RBFOX3: variants seen among roughly 807,000 people sequenced by gnomAD.
RBFOX3 encodes RNA binding fox-1 homolog 3, also known as RNA binding protein fox-1 homolog 3.
A neutral mutation model predicts 48.7 loss-of-function variants in RBFOX3; 17 were observed. That is an observed-to-expected ratio of 0.35 (90% confidence interval 0.24 to 0.52). The LOEUF (loss-of-function observed/expected upper bound fraction) is 0.52, where lower values mean the gene tolerates loss of function less well. Ranked by LOEUF, RBFOX3 falls within the 20% of genes least tolerant of loss-of-function variation. RBFOX3 has a pLI of 0.94. For missense variants in RBFOX3, 382 were observed against 497.5 expected (o/e 0.77, Z 2.21); for synonymous variants, 212 against 209.5 (o/e 1.01, Z -0.10).
Position 79,421,164 on chromosome 17 carries a change from C to A in RBFOX3, c.-175+61290G>T, listed in dbSNP as rs2066301236. Among the ~76,000 whole-genome samples the A allele has an allele frequency of 6.6e-6, 1 of 152,178 alleles. No homozygotes were observed. Among genetic ancestry groups the A allele is most frequent in the Non-Finnish European group, 1.5e-5 (1 of 68,030 alleles). On this transcript the variant is annotated intron_variant, in intron 2 of 14. Transcript: ENST00000693108. This position sits in a 1 kb window ranked among gnomAD's most constrained non-coding sequence, Gnocchi z 4.5. ...TGGCTTCACAGCAGAGGGCAGGATG[C>A]TCCGTGCCCTAACCTACAGGCCTCC...
intron 4 of RBFOX3, among the ~76,000 whole-genome samples, chr17:79,118,799 CCT>C (rs745707859): frequency 1.2e-4 from 16 of 128,632 alleles, no homozygotes; most frequent in Non-Finnish European, 2.7e-4. Flanking sequence ...ACAGTGAAAC[CCT>C]CTCTACAAAA....
At position 79,477,799 on chromosome 17, in the gene RBFOX3, T is replaced by C. The variant is rs1466685400; in HGVS notation, c.-175+4655A>G. Among the ~76,000 whole-genome samples the C allele has an allele frequency of 5.3e-5, 8 of 152,172 alleles. No individual in the cohort carries two copies. The highest frequency in any genetic ancestry group is 1.9e-4 in the African/African-American group (8 of 41,456). ...AATACATTTCTTAATAGAAAAGGAATCACAGAAGTTTTTAGGACCCAAGTC... is the reference window on the plus strand; with the variant it reads ...AATACATTTCTTAATAGAAAAGGAACCACAGAAGTTTTTAGGACCCAAGTC... On this transcript the variant is annotated intron_variant, in intron 2 of 14. Transcript: ENST00000693108. This position sits in a 1 kb window ranked among gnomAD's most constrained non-coding sequence, Gnocchi z 4.8.
rs2056015323 is a variant in RBFOX3 at position 79,198,038 on chromosome 17, C to T, written c.-34+37728G>A. ...TGCCGAGTGAATCCATCCCGAGTGC[C>T]TCTGTCTGCGTCAGGAGAGTCGTGT... On this transcript the variant is annotated intron_variant, in intron 4 of 14. Coordinates refer to ENST00000693108, the MANE Select transcript of RBFOX3 (RefSeq NM_001350451.2). This position sits in a 1 kb window ranked among gnomAD's most constrained non-coding sequence, Gnocchi z 8.2. 6.6e-6 allele frequency among the ~76,000 whole-genome samples: 1 copy of T among 152,048 alleles called. No individual in the cohort carries two copies. The highest frequency in any genetic ancestry group is 1.5e-5 in the Non-Finnish European group (1 of 68,016).
At chr17:79,096,290 T>C (rs1198567764) in intron 12 of RBFOX3, among the ~76,000 whole-genome samples, 1 of 152,162 alleles carries the variant, frequency 6.6e-6, no homozygotes, top group Non-Finnish European at 1.5e-5. Context: ...TGGCCCCTCT[T>C]GCAGCCCGTG....
intron 1 of RBFOX3, among the ~76,000 whole-genome samples, chr17:79,608,060 C>T (rs1055844642): frequency 1.3e-3 from 195 of 152,188 alleles, no homozygotes; most frequent in Middle Eastern, 3.2e-3. Flanking sequence ...GGCGGCCGCC[C>T]GCAGCGCCTC....
At position 79,438,336 on chromosome 17, in the gene RBFOX3, T is replaced by C. The variant is rs186931338; in HGVS notation, c.-175+44118A>G. Among the ~76,000 whole-genome samples the C allele has an allele frequency of 2.0e-3, 306 of 152,300 alleles. 1 individual carries two copies. Among genetic ancestry groups the C allele is most frequent in the African/African-American group, 6.7e-3 (277 of 41,566 alleles). ...CCCAGTCCAACCAGCTCCTCCATGA[T>C]AGTAAACATGAAGTAAAACCCACCC... is the stretch of plus-strand genomic sequence containing the variant. On this transcript the variant is annotated intron_variant, in intron 2 of 14. Transcript: ENST00000693108.
chr17:79,318,446 C>G (rs111835737), intron 2 of RBFOX3, among the ~76,000 whole-genome samples: 17 of 152,208 alleles, frequency 1.1e-4, no homozygotes, highest in Non-Finnish European at 2.5e-4. Flanking sequence ...ATGGCTCCCC[C>G]TCTCAGCAAT....
At chr17:79,096,499 A>C (rs1003726007) in intron 12 of RBFOX3, among the ~76,000 whole-genome samples, 154 bp downstream of exon 12, 3 of 150,326 alleles carry the variant, frequency 2.0e-5, no homozygotes, top group Non-Finnish European at 4.4e-5. Context: ...GGGATGCCAT[A>C]CTCTGGGCAG....
intron 1 of RBFOX3, among the ~76,000 whole-genome samples, chr17:79,557,063 G>A (rs1449309032): frequency 2.6e-5 from 4 of 152,122 alleles, no homozygotes; most frequent in South Asian, 4.2e-4. Context: ...GGGCAACATG[G>A]TGAAACTCCA....
At chr17:79,098,782 C>T (rs532254821) in intron 9 of RBFOX3, 11 of 152,490 alleles carry the variant, frequency 7.2e-5, no homozygotes, top group African/African-American at 2.6e-4. Context: ...GGTCTTATCT[C>T]TACAGCATGC....
At chr17:79,533,923 T>C (rs1483411737) in intron 1 of RBFOX3, among the ~76,000 whole-genome samples, 3 of 152,264 alleles carry the variant, frequency 2.0e-5, no homozygotes, top group African/African-American at 7.2e-5. Flanking sequence ...TTCCTATGCA[T>C]AGAATATATA....
In RBFOX3 at chr17:79,357,088, G is replaced by T. The variant is rs370465299; in HGVS notation, c.-174-49264C>A. ...TCCTGCTCTGTCCTAGCCCCACGGG[G>T]GCCCCAGACACGCCCACACCCGCTG... On this transcript the variant is annotated intron_variant, in intron 2 of 14. Transcript: ENST00000693108. 8.2e-4 allele frequency among the ~76,000 whole-genome samples: 125 copies of T among 152,340 alleles called. 2 individuals carry two copies. Among genetic ancestry groups the T allele is most frequent in the Middle Eastern group, 3.4e-3 (1 of 294 alleles).
intron 2 of RBFOX3, among the ~76,000 whole-genome samples, chr17:79,381,420 A>C (rs1166263126): frequency 6.6e-6 from 1 of 152,206 alleles, no homozygotes; most frequent in African/African-American, 2.4e-5. Context: ...TTTGAAGCCC[A>C]GCGCGTGTGT....
chr17:79,130,491 G>A (rs1013088618), intron 4 of RBFOX3, among the ~76,000 whole-genome samples: 6 of 152,244 alleles, frequency 3.9e-5, no homozygotes, highest in Non-Finnish European at 7.3e-5. Context: ...CCCTGCCACC[G>A]CCCTCTGCCA....
intron 1 of RBFOX3, among the ~76,000 whole-genome samples, chr17:79,490,728 G>GAA (rs2149586283): frequency 6.6e-6 from 1 of 150,750 alleles, no homozygotes; most frequent in African/African-American, 2.4e-5. Context: ...TGTAGAGAGA[G>GAA]AGAGAGAGAG....
At chr17:79,416,994 GGTTTGCA>G (rs2065478657) in intron 2 of RBFOX3, among the ~76,000 whole-genome samples, 1 of 152,204 alleles carries the variant, frequency 6.6e-6, no homozygotes, top group Non-Finnish European at 1.5e-5. Flanking sequence ...CCCTTGGCAT[GGTTTGCA>G]GCAGGGTTCG....
chr17:79,112,788 A>T (rs1203859480), intron 5 of RBFOX3, among the ~76,000 whole-genome samples: 5 of 151,846 alleles, frequency 3.3e-5, no homozygotes, highest in African/African-American at 1.2e-4. Flanking sequence ...AGCAGAAGGA[A>T]GTCCCCTTGG....
chr17:79,182,224 G>A (rs1412988214), intron 4 of RBFOX3, among the ~76,000 whole-genome samples: 1 of 152,164 alleles, frequency 6.6e-6, no homozygotes, highest in African/African-American at 2.4e-5. Context: ...TGAGCCTGAA[G>A]TGCTCACAAT....
intron 1 of RBFOX3, among the ~76,000 whole-genome samples, chr17:79,607,585 C>T (rs985330453): frequency 1.1e-4 from 16 of 152,196 alleles, no homozygotes; most frequent in Non-Finnish European, 1.6e-4. Context: ...TCCTTCCTTC[C>T]GAATTGCACA....
Sources: gnomAD v4.1 joint callset for allele counts (sites outside exome capture counted in the v4.1 genomes callset) on GRCh38, gnomAD v4.1.1 for gene constraint, Gnocchi (gnomAD v3.1) non-coding constraint, MANE v1.5 for transcripts, NCBI Gene and HGNC (gene_info 2026-07-23, HGNC 2026-07-21) for gene names.